WDFY1: variants seen among roughly 807,000 people sequenced by gnomAD.
WDFY1 encodes the protein WD repeat and FYVE domain containing 1.
Under a neutral mutation model 56.4 loss-of-function variants are expected in WDFY1, and 32 were observed. That is an observed-to-expected ratio of 0.57 (90% confidence interval 0.43 to 0.76). The LOEUF is 0.76. Ranked by LOEUF, WDFY1 falls within the 30% of genes least tolerant of loss-of-function variation. The pLI is 0.00. For missense variants in WDFY1, 480 were observed against 545.7 expected (o/e 0.88, Z 1.20); for synonymous variants, 192 against 197.3 (o/e 0.97, Z 0.23).
At position 223,880,196 on chromosome 2, in the gene WDFY1, A is replaced by G; in HGVS notation, c.1101T>C (p.His367=). Reference sequence around the variant, plus strand: ...TGTCCATGGACATGTGGGAAATGTTATGTTTTCCTTCATGAAAGGTCGCTA... The same window carrying G: ...TGTCCATGGACATGTGGGAAATGTTGTGTTTTCCTTCATGAAAGGTCGCTA... ...TSLATFHEGK[H]NISHMSMDIA... is the part of the protein sequence containing the mutation. Residue 367 remains histidine (H), a synonymous_variant, in exon 11 of 12, where the codon CAT becomes CAC. Coordinates refer to ENST00000233055, the MANE Select transcript of WDFY1 (RefSeq NM_020830.5). 6.2e-7 allele frequency: 1 copy of G among 1,614,172 alleles called. No homozygotes were observed. Among genetic ancestry groups the G allele is most frequent in the South Asian group, 1.1e-5 (1 of 91,084 alleles).
chr2:223,901,478 T>C (rs1693507266), intron 4 of WDFY1, 145 bp from the exon 5 acceptor site: 1 of 1,003,864 alleles, frequency 1.0e-6, no homozygotes, highest in African/African-American at 1.6e-5. Flanking sequence ...TGTGAGTATA[T>C]TTCAGACAAC....
intron 4 of WDFY1, among the ~76,000 whole-genome samples, chr2:223,902,099 G>A (rs1470095236): frequency 1.3e-5 from 2 of 152,196 alleles, no homozygotes; most frequent in African/African-American, 4.8e-5. Flanking sequence ...AGGCCTGACA[G>A]AGAAACTGCT....
chr2:223,941,716 C>T (rs970744942), intron 1 of WDFY1, among the ~76,000 whole-genome samples: 1 of 152,200 alleles, frequency 6.6e-6, no homozygotes, highest in Non-Finnish European at 1.5e-5. Context: ...CGTGAGCCAC[C>T]TTGCCTGGCC....
intron 1 of WDFY1, among the ~76,000 whole-genome samples, chr2:223,937,802 CT>C (rs770453990): frequency 1.3e-4 from 20 of 152,220 alleles, no homozygotes; most frequent in Non-Finnish European, 2.9e-4. Context: ...TTAAAGTCTA[CT>C]TTTAGGCTCT....
In WDFY1 at chr2:223,877,037, A is replaced by T. The variant is rs572395960; in HGVS notation, c.*1634T>A. ...ATCTCTTTAGGTGATGTAACACGAA[A>T]ACTCTAAGGAACAACAAAACCCTTC... On this transcript the variant is annotated 3_prime_UTR_variant, in exon 12 of 12. Coordinates refer to ENST00000233055, the MANE Select transcript of WDFY1 (RefSeq NM_020830.5). 4 of 152,324 alleles carry T rather than the reference A, an allele frequency of 2.6e-5. No homozygotes were observed. Among genetic ancestry groups the T allele is most frequent in the Admixed American group, 6.5e-5 (1 of 15,298 alleles). 9.4% of individuals were successfully genotyped at this position (152,324 alleles called of 1,614,324 possible).
At chr2:223,905,479 A>C (rs1354162326) in intron 4 of WDFY1, among the ~76,000 whole-genome samples, 1 of 152,168 alleles carries the variant, frequency 6.6e-6, no homozygotes, top group Non-Finnish European at 1.5e-5. Context: ...ACATACTGAG[A>C]CCTCGTCTCC....
chr2:223,913,949 G>T (rs1265461275), intron 2 of WDFY1, among the ~76,000 whole-genome samples: 1 of 147,476 alleles, frequency 6.8e-6, no homozygotes, highest in African/African-American at 2.5e-5. Flanking sequence ...AAGGGGAGGG[G>T]TTGGATATAA....
intron 5 of WDFY1, among the ~76,000 whole-genome samples, chr2:223,899,920 A>G (rs1324473603): frequency 3.9e-5 from 6 of 152,322 alleles, no homozygotes; most frequent in African/African-American, 1.4e-4. Flanking sequence ...GAATTTAGCT[A>G]TAAATGAAGA....
chr2:223,903,626 T>TACAC (rs74181334), intron 4 of WDFY1, among the ~76,000 whole-genome samples: 5,212 of 140,072 alleles, frequency 0.037, 259 homozygotes, highest in African/African-American at 0.11. Flanking sequence ...AGATGAAAAA[T>TACAC]ACACACACAC....
intron 1 of WDFY1, among the ~76,000 whole-genome samples, chr2:223,934,151 C>T (rs1229980255): frequency 6.7e-6 from 1 of 148,342 alleles, no homozygotes; most frequent in Non-Finnish European, 1.5e-5. Context: ...TAAAGTGGCA[C>T]AATCTCAGCT....
intron 1 of WDFY1, among the ~76,000 whole-genome samples, chr2:223,942,198 T>G: frequency 6.6e-6 from 1 of 152,102 alleles, no homozygotes; most frequent in East Asian, 1.9e-4. Flanking sequence ...ATGAATAAAA[T>G]ATTTGACCGA....
intron 1 of WDFY1, among the ~76,000 whole-genome samples, chr2:223,941,735 G>A (rs1689308909): frequency 6.6e-6 from 1 of 152,108 alleles, no homozygotes; most frequent in Non-Finnish European, 1.5e-5. Flanking sequence ...CCAAGGTAGT[G>A]TGGCTTTTGA....
intron 1 of WDFY1, among the ~76,000 whole-genome samples, chr2:223,929,129 G>A (rs898200440): frequency 1.5e-4 from 22 of 151,348 alleles, no homozygotes; most frequent in South Asian, 2.1e-4. Context: ...GCAATAAACT[G>A]TGCCTCTCCA....
intron 6 of WDFY1, among the ~76,000 whole-genome samples, chr2:223,897,248 T>C (rs1026028103): frequency 4.6e-5 from 7 of 151,666 alleles, no homozygotes; most frequent in Non-Finnish European, 1.0e-4. Context: ...GCTTGTACTT[T>C]GTGACATATA....
intron 6 of WDFY1, among the ~76,000 whole-genome samples, chr2:223,898,100 C>T (rs1012397747): frequency 2.6e-5 from 4 of 152,080 alleles, no homozygotes; most frequent in Non-Finnish European, 4.4e-5. Flanking sequence ...GTGTATGTGG[C>T]GAGTCACTCA....
At chr2:223,919,738 A>G (rs1178677054) in intron 1 of WDFY1, among the ~76,000 whole-genome samples, 2 of 152,188 alleles carry the variant, frequency 1.3e-5, no homozygotes, top group East Asian at 3.9e-4. Flanking sequence ...AAATGCTTAC[A>G]CCCTTAACCT....
chr2:223,934,467 C>T (rs1010686613), intron 1 of WDFY1, among the ~76,000 whole-genome samples: 2 of 152,150 alleles, frequency 1.3e-5, no homozygotes, highest in African/African-American at 4.8e-5. Context: ...CAAACTAACA[C>T]TTGAGACATT....
intron 9 of WDFY1, among the ~76,000 whole-genome samples, chr2:223,882,668 A>G (rs1693093545): frequency 6.6e-6 from 1 of 152,300 alleles, no homozygotes. Flanking sequence ...TAGGAGCCTA[A>G]TCACTGTAGA....
At chr2:223,945,086 C>T in intron 1 of WDFY1, 62 bp downstream of exon 1, 8 of 1,504,480 alleles carry the variant, frequency 5.3e-6, no homozygotes, top group Non-Finnish European at 7.1e-6. Flanking sequence ...GCCGCGGACC[C>T]CACCGCCCCC....
Sources: gnomAD v4.1 joint callset for allele counts (sites outside exome capture counted in the v4.1 genomes callset) on GRCh38, gnomAD v4.1.1 for gene constraint, MANE v1.5 for transcripts, NCBI Gene and HGNC (gene_info 2026-07-23, HGNC 2026-07-21) for gene names.